RAP1B: variants seen among roughly 807,000 people sequenced by gnomAD.
The protein encoded by RAP1B is RAP1B, member of RAS oncogene family.
Under a neutral mutation model 27.5 loss-of-function variants are expected in RAP1B, and 1 was observed. That is an observed-to-expected ratio of 0.04 (90% CI 0.01 to 0.17). The LOEUF (loss-of-function observed/expected upper bound fraction) is 0.17, where lower values mean the gene tolerates loss of function less well. Ranked by LOEUF, RAP1B falls within the 10% of genes least tolerant of loss-of-function variation. The pLI is 1.00. For missense variants in RAP1B, 84 were observed against 214.8 expected (o/e 0.39, Z 3.81); for synonymous variants, 75 against 73.1 (o/e 1.03, Z -0.13).
At chr12:68,627,340 T>C (rs765437642) in intron 1 of RAP1B, 7 of 738,750 alleles carry the variant, frequency 9.5e-6, no homozygotes, top group Non-Finnish European at 1.7e-5. Context: ...GGCCCCCCCA[T>C]GAGGAAAGGA....
chr12:68,628,480 A>C (rs1871986362), intron 1 of RAP1B, among the ~76,000 whole-genome samples: 1 of 152,182 alleles, frequency 6.6e-6, no homozygotes, highest in South Asian at 2.1e-4. Context: ...TTATATGTAA[A>C]TGTGATTTGT....
At position 68,671,105 on chromosome 12, in the gene RAP1B, A is replaced by T. The variant is rs1315117891; in HGVS notation, c.*11856A>T. ...GATATATAACTAGGCAGTTTAGATA[A>T]GAACAAATCCAAATGGCCCATCAAC... On this transcript the variant is annotated 3_prime_UTR_variant, in exon 8 of 8. Transcript: ENST00000250559. 1.3e-5 allele frequency: 2 copies of T among 152,132 alleles called. No individual in the cohort carries two copies. The highest frequency in any genetic ancestry group is 4.8e-5 in the African/African-American group (2 of 41,438). The allele number at this position is 152,132 out of a possible 1,614,324, so 9.4% of individuals were successfully genotyped here. A position where few individuals can be genotyped will look rare whatever the true frequency, so the allele number is the denominator to read the frequency against.
Position 68,671,366 on chromosome 12 carries a change from A to G in RAP1B, c.*12117A>G, listed in dbSNP as rs1875087126. The G allele has an allele frequency of 6.6e-6, 1 of 152,222 alleles. No homozygotes were observed. The highest frequency in any genetic ancestry group is 2.1e-4 in the South Asian group (1 of 4,828). The allele number at this position is 152,222 out of a possible 1,614,324, so 9.4% of individuals were successfully genotyped here. A position where few individuals can be genotyped will look rare whatever the true frequency, so the allele number is the denominator to read the frequency against. On this transcript the variant is annotated 3_prime_UTR_variant, in exon 8 of 8. Coordinates refer to ENST00000250559, the MANE Select transcript of RAP1B (RefSeq NM_001010942.3). ...ATCTACACCAAGGAAATGAAAGGAA[A>G]TGCACAAGATTATTTATTGCCACAC...
chr12:68,619,917 T>G (rs1706947499), intron 1 of RAP1B, among the ~76,000 whole-genome samples: 1 of 152,220 alleles, frequency 6.6e-6, no homozygotes, highest in Non-Finnish European at 1.5e-5. Context: ...ATATTTGTTT[T>G]GTATACCTGA....
At position 68,659,933 on chromosome 12, in the gene RAP1B, T is replaced by C. The variant is rs1287884374; in HGVS notation, c.*684T>C. 1.3e-5 allele frequency: 2 copies of C among 150,396 alleles called. No individual in the cohort carries two copies. The highest frequency in any genetic ancestry group is 4.9e-5 in the African/African-American group (2 of 40,410). 9.3% of individuals were successfully genotyped at this position (150,396 alleles called of 1,614,324 possible). On this transcript the variant is annotated 3_prime_UTR_variant, in exon 8 of 8. Coordinates refer to ENST00000250559, the MANE Select transcript of RAP1B (RefSeq NM_001010942.3). Reference sequence around the variant, plus strand: ...TCCAGACTTTTCAAATCTCTTATTATATGTTTCCTTTTTTTGTTTACATAG... The same window carrying C: ...TCCAGACTTTTCAAATCTCTTATTACATGTTTCCTTTTTTTGTTTACATAG...
At chr12:68,645,958 G>C (rs138642751) in intron 1 of RAP1B, among the ~76,000 whole-genome samples, 99 of 152,222 alleles carry the variant, frequency 6.5e-4, no homozygotes, top group African/African-American at 2.3e-3. Flanking sequence ...TTAATCAACA[G>C]TAATAAATAA....
In RAP1B at chr12:68,610,936, C is replaced by G. The variant is rs1205609885; in HGVS notation, c.-134C>G. On this transcript the variant is annotated 5_prime_UTR_variant, in exon 1 of 8. Coordinates refer to ENST00000250559, the MANE Select transcript of RAP1B (RefSeq NM_001010942.3). ...CCTCGCCCAGATTCAGGCGTGTAAA[C>G]CAGCCGGAGCGGCGCGGCAGCGGCA... The G allele has an allele frequency of 1.6e-5, 5 of 310,030 alleles. No homozygotes were observed. The highest frequency in any genetic ancestry group is 5.1e-5 in the Admixed American group (1 of 19,556). 19.2% of individuals were successfully genotyped at this position (310,030 alleles called of 1,614,324 possible). A position where few individuals can be genotyped will look rare whatever the true frequency, so the allele number is the denominator to read the frequency against.
intron 1 of RAP1B, among the ~76,000 whole-genome samples, chr12:68,636,270 A>G (rs796980023): frequency 1.1e-4 from 17 of 152,312 alleles, no homozygotes; most frequent in African/African-American, 3.8e-4. Context: ...CTTATAAGCT[A>G]CTTCTTCATT....
At chr12:68,619,197 C>T (rs960733084) in intron 1 of RAP1B, among the ~76,000 whole-genome samples, 1 of 152,128 alleles carries the variant, frequency 6.6e-6, no homozygotes, top group Non-Finnish European at 1.5e-5. Flanking sequence ...AATCAATCTT[C>T]ATATAATGCC....
At chr12:68,658,732 A>G (rs1351800498) in intron 7 of RAP1B, among the ~76,000 whole-genome samples, 4 of 152,256 alleles carry the variant, frequency 2.6e-5, no homozygotes, top group Admixed American at 6.5e-5. Context: ...GTAAAACACC[A>G]TCATGAAATA....
rs188003577 is a variant in RAP1B at position 68,627,031 on chromosome 12, G to C, written c.-27+15988G>C. The C allele has an allele frequency of 1.4e-3, 2,154 of 1,587,256 alleles. 4 individuals are homozygous for C. Among genetic ancestry groups the C allele is most frequent in the Middle Eastern group, 4.8e-3 (24 of 4,992 alleles). ...TTCTTTGAGATGTGGATCTTCTGGC[G>C]GCCAGAAAACTTGAACTTGGCCCTG... On this transcript the variant is annotated intron_variant, in intron 1 of 7. Coordinates refer to ENST00000250559, the MANE Select transcript of RAP1B (RefSeq NM_001010942.3).
chr12:68,620,634 A>C (rs2135917587), intron 1 of RAP1B, among the ~76,000 whole-genome samples: 1 of 147,462 alleles, frequency 6.8e-6, no homozygotes, highest in East Asian at 2.0e-4. Flanking sequence ...ACAAGGTCTC[A>C]CTGTCATCTA....
At chr12:68,637,097 C>T (rs1872678816) in intron 1 of RAP1B, among the ~76,000 whole-genome samples, 1 of 152,164 alleles carries the variant, frequency 6.6e-6, no homozygotes, top group Non-Finnish European at 1.5e-5. Flanking sequence ...AGTCTATATA[C>T]TTCTGTCATT....
At chr12:68,636,081 C>T (rs1325114638) in intron 1 of RAP1B, among the ~76,000 whole-genome samples, 1 of 151,482 alleles carries the variant, frequency 6.6e-6, no homozygotes, top group Non-Finnish European at 1.5e-5. Context: ...GATGGGGCTT[C>T]ACCATATTGG....
intron 1 of RAP1B, chr12:68,627,178 T>C: frequency 1.3e-6 from 2 of 1,553,232 alleles, no homozygotes; most frequent in Non-Finnish European, 1.8e-6. Flanking sequence ...CGCATGCCTG[T>C]TTGGAACCTA....
chr12:68,613,954 T>TAATA (rs899570734), intron 1 of RAP1B, among the ~76,000 whole-genome samples: 1 of 152,240 alleles, frequency 6.6e-6, no homozygotes, highest in African/African-American at 2.4e-5. Flanking sequence ...CCCCCTCCCA[T>TAATA]AATAAAGAGC....
intron 1 of RAP1B, chr12:68,641,192 G>A (rs1872974622): frequency 6.6e-6 from 1 of 152,104 alleles, no homozygotes; most frequent in Admixed American, 6.6e-5. Context: ...CATATTTTTT[G>A]TAGAGACGGG....
chr12:68,652,485 A>T (rs1302331995), intron 4 of RAP1B, among the ~76,000 whole-genome samples: 1 of 152,052 alleles, frequency 6.6e-6, no homozygotes, highest in African/African-American at 2.4e-5. Context: ...TAGTTGCTAA[A>T]CTTTAAATCT....
chr12:68,646,640 A>G (rs1873431839), intron 1 of RAP1B, among the ~76,000 whole-genome samples: 1 of 152,296 alleles, frequency 6.6e-6, no homozygotes, highest in Admixed American at 6.5e-5. Context: ...GTTTCCTGTG[A>G]CTATATGTAG....
Sources: allele counts gnomAD v4.1 joint callset (sites outside exome capture counted in the v4.1 genomes callset), GRCh38; gene constraint gnomAD v4.1.1; transcripts MANE v1.5; gene names NCBI Gene and HGNC (gene_info 2026-07-23, HGNC 2026-07-21).